The following C12orf54 variants were observed in gnomAD, a reference collection of about 807,000 sequenced individuals.
C12orf54 encodes the protein chromosome 12 open reading frame 54, also known as uncharacterized protein C12orf54.
In C12orf54, 24 loss-of-function variants were observed where a neutral mutation model predicts 26.4. The ratio of observed to expected loss-of-function variants is 0.91; its 90% CI spans 0.66 to 1.28. C12orf54 has a LOEUF of 1.28. Ranked by LOEUF, C12orf54 falls within the 50% of genes most tolerant of loss-of-function variation. The probability of loss-of-function intolerance (pLI) is 0.00; values close to 1 mark genes in which losing one functional copy is unlikely to be tolerated. For synonymous variants in C12orf54, 54 were observed against 47.0 expected (o/e 1.15, Z -0.61); for missense variants, 154 against 150.9 (o/e 1.02, Z -0.11).
chr12:48,494,307 T>C (rs935167488), intron 7 of C12orf54, among the ~76,000 whole-genome samples: 2 of 152,044 alleles, frequency 1.3e-5, no homozygotes, highest in African/African-American at 4.8e-5. Flanking sequence ...TTGAACAGAA[T>C]TTGTCCCTAT....
At chr12:48,414,695 A>G in the C12orf54 span, among the ~76,000 whole-genome samples, 8 of 152,166 alleles carry the variant, frequency 5.3e-5, no homozygotes, top group Non-Finnish European at 1.5e-5. Context: ...CTGGGGATTA[A>G]TCTATACTCA....
chr12:48,441,611 T>C, the C12orf54 span, among the ~76,000 whole-genome samples: 1 of 152,106 alleles, frequency 6.6e-6, no homozygotes, highest in Admixed American at 6.6e-5. Flanking sequence ...GATTCCATGA[T>C]TAACAGTGTC....
rs2705132 is a variant in C12orf54 at position 48,494,980 on chromosome 12, G to A, written c.*40+1G>A. ...AGAAGGACATCTCTGCTTCCGCCAG[G>A]TGCTTTACCCAAGCAGCCTTTCCCC... On this transcript the variant is annotated splice_donor_variant, in intron 8 of 8. Transcript: ENST00000548364. LOFTEE classifies it low-confidence loss of function (3UTR_SPLICE). 0.019 allele frequency: 30,254 copies of A among 1,597,588 alleles called. 4,927 individuals carry two copies. In the African/African-American group the frequency reaches 0.35, roughly 19 times the overall value.
chr12:48,415,964 A>G, the C12orf54 span, among the ~76,000 whole-genome samples: 215 of 152,294 alleles, frequency 1.4e-3, 1 homozygote, highest in Non-Finnish European at 1.9e-3. Flanking sequence ...ATGTACCATC[A>G]TCTACTCAGT....
the C12orf54 span, among the ~76,000 whole-genome samples, chr12:48,429,054 A>T: frequency 6.6e-6 from 1 of 152,222 alleles, no homozygotes; most frequent in African/African-American, 2.4e-5. Context: ...AAACAGAATT[A>T]AAAACAAAAA....
At chr12:48,490,715 G>A in intron 5 of C12orf54, 97 bp from the exon 6 acceptor site, 1 of 1,398,566 alleles carries the variant, frequency 7.2e-7, no homozygotes, top group South Asian at 1.2e-5. Context: ...TTCCCAAACA[G>A]ACATCCCTGC....
chr12:48,439,814 G>T, the C12orf54 span, among the ~76,000 whole-genome samples: 31 of 152,096 alleles, frequency 2.0e-4, no homozygotes, highest in African/African-American at 6.7e-4. Context: ...GAGGTAATGG[G>T]TGCAGCACAC....
chr12:48,424,024 A>C, the C12orf54 span, among the ~76,000 whole-genome samples: 1 of 152,124 alleles, frequency 6.6e-6, no homozygotes, highest in South Asian at 2.1e-4. Flanking sequence ...ATCTATTCTT[A>C]GTTTGATGAG....
chr12:48,446,388 C>A, the C12orf54 span, among the ~76,000 whole-genome samples: 2 of 152,202 alleles, frequency 1.3e-5, no homozygotes, highest in Admixed American at 6.5e-5. Context: ...ACAGCAACTT[C>A]TTTCATACTT....
the C12orf54 span, among the ~76,000 whole-genome samples, chr12:48,475,531 C>G: frequency 6.6e-6 from 1 of 151,962 alleles, no homozygotes; most frequent in Non-Finnish European, 1.5e-5. Context: ...CTAGAATAAC[C>G]AATGCAGAGA....
the C12orf54 span, among the ~76,000 whole-genome samples, chr12:48,460,493 C>T: frequency 6.6e-6 from 1 of 152,054 alleles, no homozygotes; most frequent in Non-Finnish European, 1.5e-5. Flanking sequence ...TGGATCTACA[C>T]AAAGAAGTGA....
At chr12:48,479,530 T>C (rs1233940449), upstream of C12orf54, among the ~76,000 whole-genome samples, 1 of 151,288 alleles carries the variant, frequency 6.6e-6, no homozygotes, top group Non-Finnish European at 1.5e-5. Flanking sequence ...AAATAAAATA[T>C]ATATTTAAAA....
chr12:48,471,969 C>T, the C12orf54 span, among the ~76,000 whole-genome samples: 1 of 151,936 alleles, frequency 6.6e-6, no homozygotes, highest in African/African-American at 2.4e-5. Flanking sequence ...TCTTACAATT[C>T]ATGAACATGG....
chr12:48,496,005 A>G (rs912555201), intron 8 of C12orf54, among the ~76,000 whole-genome samples, 176 bp from the exon 9 acceptor site: 2 of 152,222 alleles, frequency 1.3e-5, no homozygotes, highest in Non-Finnish European at 2.9e-5. Flanking sequence ...AATATTGTCT[A>G]CAACTAATGG....
At chr12:48,444,593 T>A in the C12orf54 span, among the ~76,000 whole-genome samples, 13 of 152,246 alleles carry the variant, frequency 8.5e-5, no homozygotes, top group African/African-American at 3.1e-4. Context: ...TTAGCATTAT[T>A]CAAGGGGTCA....
intron 6 of C12orf54, among the ~76,000 whole-genome samples, chr12:48,491,616 G>C (rs1186222330): frequency 6.6e-6 from 1 of 152,028 alleles, no homozygotes; most frequent in Non-Finnish European, 1.5e-5. Context: ...CCCAAGGCTG[G>C]CACAGGGATA....
At chr12:48,419,113 C>T in the C12orf54 span, among the ~76,000 whole-genome samples, 2 of 152,258 alleles carry the variant, frequency 1.3e-5, no homozygotes, top group African/African-American at 4.8e-5. Context: ...TTAATGTCCT[C>T]TCTTCTATCT....
chr12:48,495,228 C>G (rs1432924105), intron 8 of C12orf54, among the ~76,000 whole-genome samples: 1 of 151,984 alleles, frequency 6.6e-6, no homozygotes, highest in Non-Finnish European at 1.5e-5. Flanking sequence ...ATACAAGGAT[C>G]AAAACAAAGA....
the C12orf54 span, among the ~76,000 whole-genome samples, chr12:48,476,758 G>T: frequency 6.6e-6 from 1 of 152,104 alleles, no homozygotes; most frequent in African/African-American, 2.4e-5. Context: ...AGTCCTTAGA[G>T]ACCTACAAAC....
Sources: gnomAD v4.1 joint callset for allele counts (sites outside exome capture counted in the v4.1 genomes callset) on GRCh38, gnomAD v4.1.1 for gene constraint, MANE v1.5 for transcripts, NCBI Gene and HGNC (gene_info 2026-07-23, HGNC 2026-07-21) for gene names.